SLC35F4: variants seen among roughly 807,000 people sequenced by gnomAD.
SLC35F4 encodes the protein chromosome 14 open reading frame 36.
Under a neutral mutation model 44.2 loss-of-function variants are expected in SLC35F4, and 24 were observed. The ratio of observed to expected loss-of-function variants is 0.54; its 90% confidence interval spans 0.39 to 0.76. The LOEUF (loss-of-function observed/expected upper bound fraction) is 0.76. SLC35F4 is among the 30% of genes least tolerant of loss of function. SLC35F4 has a pLI of 0.00. For missense variants in SLC35F4, 562 were observed against 586.1 expected, an observed-to-expected ratio of 0.96 and a Z score of 0.42; for synonymous variants, 238 against 223.6, an observed-to-expected ratio of 1.06 and a Z score of -0.57.
intron 1 of SLC35F4, among the ~76,000 whole-genome samples, chr14:57,814,451 C>T (rs904956095): frequency 1.3e-5 from 2 of 152,226 alleles, no homozygotes; most frequent in Non-Finnish European, 2.9e-5. Flanking sequence ...TCTCTCTTAA[C>T]ATAAAGCAGT....
chr14:57,786,049 T>C (rs767142837), intron 1 of SLC35F4, among the ~76,000 whole-genome samples: 1 of 152,050 alleles, frequency 6.6e-6, no homozygotes, highest in Non-Finnish European at 1.5e-5. Flanking sequence ...ACCCTCTGCC[T>C]GGAAATAAAC....
At chr14:57,824,335 C>G (rs149581567) in intron 1 of SLC35F4, among the ~76,000 whole-genome samples, 86 of 152,312 alleles carry the variant, frequency 5.6e-4, no homozygotes, top group African/African-American at 2.0e-3. Context: ...CTGGGCAACA[C>G]AGCAGTGACA....
intron 1 of SLC35F4, among the ~76,000 whole-genome samples, chr14:57,751,440 T>C (rs1464228323): frequency 6.6e-6 from 1 of 152,220 alleles, no homozygotes; most frequent in African/African-American, 2.4e-5. Context: ...GATTGCTTTT[T>C]TCCTTTTGTT....
At chr14:57,691,417 C>G (rs1280829626) in intron 1 of SLC35F4, among the ~76,000 whole-genome samples, 1 of 151,984 alleles carries the variant, frequency 6.6e-6, no homozygotes, top group African/African-American at 2.4e-5. Flanking sequence ...AAATTATATC[C>G]AAAACTGGTA....
At chr14:57,969,664 T>C (rs754146729) in intron 1 of SLC35F4, among the ~76,000 whole-genome samples, 3 of 152,230 alleles carry the variant, frequency 2.0e-5, no homozygotes, top group Non-Finnish European at 4.4e-5. Context: ...AGTTAACTTA[T>C]GGCTATTTAA....
At chr14:57,750,414 G>C (rs2076857153) in intron 1 of SLC35F4, among the ~76,000 whole-genome samples, 1 of 152,124 alleles carries the variant, frequency 6.6e-6, no homozygotes, top group African/African-American at 2.4e-5. Context: ...CCAGTAGTGG[G>C]ATTGCTGGAT....
intron 1 of SLC35F4, among the ~76,000 whole-genome samples, chr14:57,646,492 C>T (rs187160784): frequency 2.2e-4 from 33 of 152,000 alleles, no homozygotes; most frequent in Middle Eastern, 6.8e-3. Flanking sequence ...TTTTTTATTG[C>T]GTCTATTTGA....
chr14:57,569,147 A>G (rs2068353817), intron 6 of SLC35F4, among the ~76,000 whole-genome samples: 1 of 152,162 alleles, frequency 6.6e-6, no homozygotes, highest in Non-Finnish European at 1.5e-5. Flanking sequence ...CACCAAGCCT[A>G]GTGCATGCTG....
chr14:57,835,775 T>G (rs1884856883), intron 1 of SLC35F4, among the ~76,000 whole-genome samples: 1 of 152,218 alleles, frequency 6.6e-6, no homozygotes, highest in Non-Finnish European at 1.5e-5. Context: ...CTCGCTAGTC[T>G]GTCAAAGTTG....
At chr14:57,855,923 G>T (rs1282911496) in intron 1 of SLC35F4, among the ~76,000 whole-genome samples, 1 of 150,822 alleles carries the variant, frequency 6.6e-6, no homozygotes, top group Non-Finnish European at 1.5e-5. Flanking sequence ...ATCATTCTCA[G>T]CAAACTATCA....
Position 57,566,910 on chromosome 14 carries a change from G to T in SLC35F4, c.1127-346C>A, listed in dbSNP as rs147672388. The stretch of plus-strand genomic sequence containing the variant: ...AAAAGCAGGTGATTGATTGAAGATG[G>T]TGCCTCATCTCTTTATTGCTGTGCT... On this transcript the variant is annotated intron_variant, in intron 6 of 7. Coordinates refer to ENST00000556826, the MANE Select transcript of SLC35F4 (RefSeq NM_001306087.2). Among the ~76,000 whole-genome samples the T allele has an allele frequency of 6.6e-5, 10 of 152,350 alleles. No homozygotes were observed. The East Asian group carries it at 1.2e-3, about 18-fold the overall frequency.
At chr14:57,789,530 G>T (rs913854747) in intron 1 of SLC35F4, among the ~76,000 whole-genome samples, 6 of 152,082 alleles carry the variant, frequency 3.9e-5, no homozygotes, top group African/African-American at 1.4e-4. Flanking sequence ...AAAAAGCCCC[G>T]GACCAGATGG....
intron 1 of SLC35F4, among the ~76,000 whole-genome samples, chr14:57,820,420 T>G (rs975688210): frequency 6.6e-6 from 1 of 152,054 alleles, no homozygotes; most frequent in Non-Finnish European, 1.5e-5. Context: ...TATCCAAGAG[T>G]TAGAATTCTC....
chr14:57,737,098 TTGTGTGTGTG>T (rs5808938), intron 1 of SLC35F4, among the ~76,000 whole-genome samples: 4 of 148,766 alleles, frequency 2.7e-5, no homozygotes, highest in African/African-American at 9.9e-5. Context: ...CTTTCTATCT[TTGTGTGTGTG>T]TGTGTGTGTG....
rs556466688 is a variant in SLC35F4 at position 57,695,303 on chromosome 14, T to A, written c.104-101179A>T. ...AACGGCTAATATCCAGAATCTACAATGAACTCAAACAAATTTACAAGAAAA... is the reference window on the plus strand; with the variant it reads ...AACGGCTAATATCCAGAATCTACAAAGAACTCAAACAAATTTACAAGAAAA... On this transcript the variant is annotated intron_variant, in intron 1 of 7. Coordinates refer to ENST00000556826, the MANE Select transcript of SLC35F4 (RefSeq NM_001306087.2). Among the ~76,000 whole-genome samples, 20 of 151,608 alleles carry A rather than the reference T, an allele frequency of 1.3e-4. No individual in the cohort carries two copies. The South Asian group carries it at 4.2e-3, about 32-fold the overall frequency.
intron 1 of SLC35F4, among the ~76,000 whole-genome samples, chr14:57,848,451 G>A (rs746499773): frequency 9.9e-5 from 15 of 152,186 alleles, no homozygotes; most frequent in African/African-American, 1.7e-4. Flanking sequence ...TCAGAATGCT[G>A]GTGGTAAGCC....
intron 1 of SLC35F4, among the ~76,000 whole-genome samples, chr14:57,738,490 ACT>A (rs1377947318): frequency 6.6e-6 from 1 of 151,716 alleles, no homozygotes; most frequent in Non-Finnish European, 1.5e-5. Flanking sequence ...TCAGGGTCTG[ACT>A]CTGCCTAGCT....
chr14:57,889,878 C>G (rs1290513015), intron 1 of SLC35F4, among the ~76,000 whole-genome samples: 1 of 152,122 alleles, frequency 6.6e-6, no homozygotes, highest in East Asian at 1.9e-4. Flanking sequence ...GACAAATGTT[C>G]ATCAAGCCAC....
intron 1 of SLC35F4, among the ~76,000 whole-genome samples, chr14:57,738,880 A>G (rs557231555): frequency 1.1e-3 from 165 of 149,926 alleles, no homozygotes; most frequent in African/African-American, 3.9e-3. Flanking sequence ...ATATATATAT[A>G]TCTCCATCCT....
Sources: allele counts gnomAD v4.1 joint callset (sites outside exome capture counted in the v4.1 genomes callset), GRCh38; gene constraint gnomAD v4.1.1; transcripts MANE v1.5; gene names NCBI Gene and HGNC (gene_info 2026-07-23, HGNC 2026-07-21).